The following TFDP2 variants were observed in gnomAD, a reference collection of about 807,000 sequenced individuals.
The protein encoded by TFDP2 is transcription factor Dp-2 (E2F dimerization partner 2).
TFDP2 carries 17 observed loss-of-function variants against 59.3 expected under a neutral mutation model. The ratio of observed to expected loss-of-function variants is 0.29; its 90% confidence interval spans 0.20 to 0.43. The LOEUF (loss-of-function observed/expected upper bound fraction) is 0.43. Ranked by LOEUF, TFDP2 falls within the 20% of genes least tolerant of loss-of-function variation. The pLI is 1.00. For missense variants in TFDP2, 391 were observed against 528.8 expected (o/e 0.74, Z 2.56); for synonymous variants, 180 against 194.7 (o/e 0.92, Z 0.63).
intron 3 of TFDP2, among the ~76,000 whole-genome samples, chr3:142,087,466 C>T (rs1036891764): frequency 2.6e-5 from 4 of 151,878 alleles, no homozygotes; most frequent in Non-Finnish European, 5.9e-5. Flanking sequence ...TTATGCAGCA[C>T]ATGACTGCAT....
chr3:142,050,687 G>A (rs1020692315), intron 3 of TFDP2, among the ~76,000 whole-genome samples: 3 of 151,420 alleles, frequency 2.0e-5, no homozygotes, highest in Non-Finnish European at 2.9e-5. Flanking sequence ...CAGACAGAGC[G>A]AGACTCTGTC....
chr3:142,012,146 G>C (rs1050627350), intron 3 of TFDP2, among the ~76,000 whole-genome samples: 2 of 151,500 alleles, frequency 1.3e-5, no homozygotes, highest in African/African-American at 2.4e-5. Flanking sequence ...CCAAGTAGCT[G>C]GGACTACAGG....
intron 3 of TFDP2, among the ~76,000 whole-genome samples, chr3:142,059,792 G>A (rs2059858443): frequency 6.6e-6 from 1 of 152,042 alleles, no homozygotes; most frequent in Admixed American, 6.6e-5. Context: ...ATGTTGGCCA[G>A]GCTGGTCTCA....
At chr3:142,044,696 A>G (rs933863371) in intron 3 of TFDP2, among the ~76,000 whole-genome samples, 1 of 152,166 alleles carries the variant, frequency 6.6e-6, no homozygotes, top group Non-Finnish European at 1.5e-5. Context: ...TAAAATTCCA[A>G]CACAGAAGAG....
chr3:142,012,303 T>C (rs1440437427), intron 3 of TFDP2, among the ~76,000 whole-genome samples: 2 of 152,156 alleles, frequency 1.3e-5, no homozygotes, highest in Non-Finnish European at 2.9e-5. Context: ...TGAGCCACCA[T>C]GCTCGGCCTA....
At chr3:142,037,591 T>C (rs1281594137) in intron 3 of TFDP2, among the ~76,000 whole-genome samples, 3 of 152,062 alleles carry the variant, frequency 2.0e-5, no homozygotes, top group African/African-American at 4.8e-5. Context: ...AGCAAATAAA[T>C]TGAAACTGAG....
chr3:142,112,410 G>C (rs371630694), intron 1 of TFDP2, among the ~76,000 whole-genome samples: 73 of 152,254 alleles, frequency 4.8e-4, no homozygotes, highest in African/African-American at 1.8e-3. Flanking sequence ...CCATGTACTA[G>C]TTAGTAACTC....
At chr3:142,084,241 A>AT (rs1206333224) in intron 3 of TFDP2, among the ~76,000 whole-genome samples, 1 of 152,232 alleles carries the variant, frequency 6.6e-6, no homozygotes, top group Non-Finnish European at 1.5e-5. Flanking sequence ...AAAATCACTG[A>AT]TTATCAGAGA....
At chr3:141,982,386 CT>C (rs201089228) in intron 6 of TFDP2, among the ~76,000 whole-genome samples, 1 of 150,498 alleles carries the variant, frequency 6.6e-6, no homozygotes, top group African/African-American at 2.4e-5. Context: ...TTTTCTTCTT[CT>C]TTTTTTTTAA....
intron 9 of TFDP2, among the ~76,000 whole-genome samples, chr3:141,969,384 G>A (rs1057327500): frequency 2.0e-5 from 3 of 149,550 alleles, no homozygotes; most frequent in Non-Finnish European, 3.0e-5. Flanking sequence ...AGGCTGAGGC[G>A]GGTGGATCAC....
At chr3:142,037,795 A>T (rs1560072413) in intron 3 of TFDP2, among the ~76,000 whole-genome samples, 1 of 152,238 alleles carries the variant, frequency 6.6e-6, no homozygotes, top group Non-Finnish European at 1.5e-5. Flanking sequence ...AGATTATCAG[A>T]CATCAATAAA....
chr3:141,963,983 C>G lies in TFDP2; in HGVS notation c.733-20G>C, dbSNP rs3792409. On this transcript the variant is annotated intron_variant, in intron 9 of 12. Coordinates refer to ENST00000489671, the MANE Select transcript of TFDP2 (RefSeq NM_001178139.2). Reference sequence around the variant, plus strand: ...GATTTGCTGTAATGATCAATAAAAACAATATGGTCAATTGTGCATAAGTGA... The same window carrying G: ...GATTTGCTGTAATGATCAATAAAAAGAATATGGTCAATTGTGCATAAGTGA... The G allele has an allele frequency of 0.25, 406,770 of 1,606,340 alleles. 52,337 individuals carry two copies. The highest frequency in any genetic ancestry group is 0.29 in the East Asian group (13,113 of 44,790).
chr3:142,089,956 TATC>T (rs927133054), intron 3 of TFDP2, among the ~76,000 whole-genome samples: 5 of 152,168 alleles, frequency 3.3e-5, no homozygotes, highest in Non-Finnish European at 5.9e-5. Context: ...GTTTCTATAA[TATC>T]ATTGCTACAT....
chr3:142,052,940 G>A (rs558077177), intron 3 of TFDP2, among the ~76,000 whole-genome samples: 7 of 151,976 alleles, frequency 4.6e-5, no homozygotes, highest in Admixed American at 2.0e-4. Context: ...CTCCCTAGTA[G>A]CTGGGACTAC....
intron 3 of TFDP2, among the ~76,000 whole-genome samples, chr3:142,084,694 T>C (rs2060750538): frequency 6.6e-6 from 1 of 152,090 alleles, no homozygotes; most frequent in African/African-American, 2.4e-5. Flanking sequence ...CCAGAGGTCA[T>C]TATGTTAAGT....
chr3:141,961,708 C>T (rs1937384010), intron 10 of TFDP2, among the ~76,000 whole-genome samples: 1 of 152,074 alleles, frequency 6.6e-6, no homozygotes, highest in Non-Finnish European at 1.5e-5. Context: ...AAGGTAAATA[C>T]TATAATTCTT....
At chr3:141,998,938 G>GT (rs1943528682) in intron 4 of TFDP2, among the ~76,000 whole-genome samples, 1 of 152,116 alleles carries the variant, frequency 6.6e-6, no homozygotes, top group Non-Finnish European at 1.5e-5. Flanking sequence ...AAATTATAAA[G>GT]TGGTATATTA....
intron 3 of TFDP2, among the ~76,000 whole-genome samples, chr3:142,049,013 T>C (rs1947480915): frequency 6.6e-6 from 1 of 152,226 alleles, no homozygotes; most frequent in Non-Finnish European, 1.5e-5. Flanking sequence ...ATGAAGGGCT[T>C]CTTGTAGTTC....
At chr3:142,076,510 G>C (rs1249521708) in intron 3 of TFDP2, among the ~76,000 whole-genome samples, 1 of 151,806 alleles carries the variant, frequency 6.6e-6, no homozygotes, top group East Asian at 1.9e-4. Flanking sequence ...CAAGTTTAAG[G>C]CAAGATGAAA....
Sources: allele counts gnomAD v4.1 joint callset (sites outside exome capture counted in the v4.1 genomes callset), GRCh38; gene constraint gnomAD v4.1.1; transcripts MANE v1.5; gene names NCBI Gene and HGNC (gene_info 2026-07-23, HGNC 2026-07-21).